LIN54: variants seen among roughly 807,000 people sequenced by gnomAD.
LIN54 encodes the protein lin-54 DREAM MuvB core complex component.
A neutral mutation model predicts 78.7 loss-of-function variants in LIN54; 9 were observed. The ratio of observed to expected loss-of-function variants is 0.11; its 90% confidence interval spans 0.07 to 0.20. The LOEUF is 0.20. Among genes scored for constraint, LIN54 ranks in the 10% least tolerant of loss-of-function variants. LIN54 has a pLI of 1.00. For missense variants in LIN54, 573 were observed against 889.9 expected (o/e 0.64, Z 4.53); for synonymous variants, 269 against 318.4 (o/e 0.84, Z 1.65).
At chr4:82,988,794 A>C (rs956699153) in intron 1 of LIN54, among the ~76,000 whole-genome samples, 6 of 152,128 alleles carry the variant, frequency 3.9e-5, no homozygotes, top group African/African-American at 1.4e-4. Flanking sequence ...TTAATTTGCA[A>C]TTCCCAGATG....
intron 5 of LIN54, among the ~76,000 whole-genome samples, chr4:82,940,974 G>A (rs562654759): frequency 1.4e-3 from 214 of 152,094 alleles, no homozygotes; most frequent in Non-Finnish European, 2.5e-3. Context: ...TGCCATCATC[G>A]TTGTTACAAC....
chr4:82,981,877 T>C (rs1412409824), intron 2 of LIN54, among the ~76,000 whole-genome samples: 2 of 151,752 alleles, frequency 1.3e-5, no homozygotes, highest in South Asian at 2.1e-4. Context: ...ACAAAAAAAA[T>C]ACAAAAATTG....
intron 4 of LIN54, among the ~76,000 whole-genome samples, chr4:82,967,953 T>C (rs776211282): frequency 6.3e-4 from 96 of 152,170 alleles, no homozygotes; most frequent in African/African-American, 1.5e-3. Flanking sequence ...ACCTGAACGA[T>C]AGATAAGCTT....
At chr4:82,954,491 C>T (rs28610150) in intron 4 of LIN54, among the ~76,000 whole-genome samples, 1 of 151,594 alleles carries the variant, frequency 6.6e-6, no homozygotes, top group African/African-American at 2.4e-5. Flanking sequence ...GATCTTGGCT[C>T]ACTGCAACCT....
chr4:83,003,473 CT>C (rs1729037525), intron 1 of LIN54: 1 of 152,138 alleles, frequency 6.6e-6, no homozygotes, highest in Admixed American at 6.6e-5. Context: ...GGTATGGCCC[CT>C]GCACAAGGAC....
intron 1 of LIN54, among the ~76,000 whole-genome samples, chr4:82,989,030 TA>T (rs1329979592): frequency 6.6e-6 from 1 of 151,806 alleles, no homozygotes; most frequent in African/African-American, 2.4e-5. Context: ...CTATTAAAAA[TA>T]CAAAAAATTA....
intron 2 of LIN54, among the ~76,000 whole-genome samples, chr4:82,982,390 G>A (rs1340921834): frequency 6.6e-6 from 1 of 152,014 alleles, no homozygotes; most frequent in East Asian, 1.9e-4. Context: ...CACCATGCTG[G>A]GCTAATTTTT....
At chr4:82,956,759 G>C (rs779272315) in intron 4 of LIN54, among the ~76,000 whole-genome samples, 2 of 115,864 alleles carry the variant, frequency 1.7e-5, no homozygotes, top group African/African-American at 2.5e-5. Flanking sequence ...TTTTTCTTTG[G>C]GGTGGAGGGG....
At position 82,926,162 on chromosome 4, in the gene LIN54, A is replaced by G. The variant is rs1453609093; in HGVS notation, c.*1940T>C. On this transcript the variant is annotated 3_prime_UTR_variant, in exon 13 of 13. Coordinates refer to ENST00000340417, the MANE Select transcript of LIN54 (RefSeq NM_194282.4). ...CATTTTCTGCACACTGTATATAAAT[A>G]CACATCACAAAGGTGCAATTAGAAT... 1.3e-5 allele frequency: 2 copies of G among 152,638 alleles called. No homozygotes were observed. Among genetic ancestry groups the G allele is most frequent in the African/African-American group, 4.8e-5 (2 of 41,462 alleles). The allele number at this position is 152,638 out of a possible 1,614,324, so 9.5% of individuals were successfully genotyped here.
At position 82,939,903 on chromosome 4, in the gene LIN54, G is replaced by T. The variant is rs1722708826; in HGVS notation, c.1228C>A (p.Gln410Lys). The T allele has an allele frequency of 1.3e-5, 21 of 1,612,280 alleles. No homozygotes were observed. The highest frequency in any genetic ancestry group is 1.7e-5 in the Non-Finnish European group (20 of 1,179,370). Residue 410 changes from glutamine (Q) to lysine (K), a missense_variant, in exon 6 of 13, where the codon CAG becomes AAG. Around this residue, in one of 6 missense-constraint regions of LIN54, gnomAD observed 199 missense variants for 260.9 expected, o/e 0.76. Coordinates refer to ENST00000340417, the MANE Select transcript of LIN54 (RefSeq NM_194282.4). ...GTGATACTTACTTGTTTGACAGCCT[G>T]AGCTGAGACAATTGGAACTGACATC... is the stretch of plus-strand genomic sequence containing the variant. ...VRMSVPIVSA[Q>K]AVKQVVPKPI...
intron 12 of LIN54, among the ~76,000 whole-genome samples, chr4:82,929,596 G>C (rs1012920206): frequency 1.1e-4 from 17 of 152,096 alleles, no homozygotes; most frequent in African/African-American, 4.1e-4. Context: ...CCTGAGGTCA[G>C]GCGTTCAAGA....
At chr4:82,944,675 C>T (rs368621988) in intron 5 of LIN54, 1 of 152,116 alleles carries the variant, frequency 6.6e-6, no homozygotes, top group East Asian at 1.9e-4. Flanking sequence ...TAGGTTCCCT[C>T]AGGTGAACCA....
rs971771468 is a variant in LIN54, at chr4:82,956,274, G to A, written c.952-9800C>T. 4.6e-5 allele frequency among the ~76,000 whole-genome samples: 7 copies of A among 151,596 alleles called. No homozygotes were observed. The South Asian group carries it at 1.5e-3, about 32-fold the overall frequency. On this transcript the variant is annotated intron_variant, in intron 4 of 12. Transcript: ENST00000340417. ...CCTATATTTTAAATTTCTATAGTAA[G>A]AGTGTTTTTTATTTTTTATTTTTTG...
rs1339545376 is a variant in LIN54, at chr4:82,947,223, A to ATTTTT, written c.952-750_952-749insAAAAA. Among the ~76,000 whole-genome samples, 32 of 17,508 alleles carry ATTTTT rather than the reference A, an allele frequency of 1.8e-3. 1 individual carries two copies. Among genetic ancestry groups the ATTTTT allele is most frequent in the African/African-American group, 5.6e-3 (32 of 5,704 alleles). 11.5% of individuals were successfully genotyped at this position (17,508 alleles called of 152,430 possible). ...AAAAAAAATTTATATATATATATAT[A>ATTTTT]TATATATATATATTTTTTTTTTTTT... On this transcript the variant is annotated intron_variant, in intron 4 of 12. Coordinates refer to ENST00000340417, the MANE Select transcript of LIN54 (RefSeq NM_194282.4).
At chr4:82,950,267 G>A (rs1002549906) in intron 4 of LIN54, among the ~76,000 whole-genome samples, 7 of 152,088 alleles carry the variant, frequency 4.6e-5, no homozygotes, top group Non-Finnish European at 4.4e-5. Flanking sequence ...CCACCATGAA[G>A]ATATATAAAA....
chr4:83,001,973 AGGAAGGGAG>A (rs1560796791), intron 1 of LIN54, among the ~76,000 whole-genome samples: 438 of 24,456 alleles, frequency 0.018, 170 homozygotes, highest in African/African-American at 0.032. Flanking sequence ...GAAGGAAGGA[AGGAAGGGAG>A]GGATCTTGGA....
chr4:82,936,381 C>T lies in LIN54; in HGVS notation c.1605G>A (p.Leu535=), dbSNP rs1560719645. Residue 535 remains leucine (L), a splice_region_variant and synonymous_variant, in exon 10 of 13, where the codon TTG becomes TTA. Transcript: ENST00000340417. The part of the protein sequence containing the change: ...CNCTKSLCLK[L]YCDCFANGEF... Reference sequence around the variant, plus strand: ...CACCATTTGCAAAGCAATCACAATACCTGAAAGGTAAAAGTCAGTATAAGG... The same window carrying T: ...CACCATTTGCAAAGCAATCACAATATCTGAAAGGTAAAAGTCAGTATAAGG... 3 of 1,525,492 alleles carry T rather than the reference C, an allele frequency of 2.0e-6. No individual in the cohort carries two copies. Among genetic ancestry groups the T allele is most frequent in the Admixed American group, 1.9e-5 (1 of 51,318 alleles). 94.5% of individuals were successfully genotyped at this position (1,525,492 alleles called of 1,614,324 possible). A position where few individuals can be genotyped will look rare whatever the true frequency, so the allele number is the denominator to read the frequency against.
chr4:82,955,369 AATAACATAACATAAC>A (rs537329208), intron 4 of LIN54, among the ~76,000 whole-genome samples: 31 of 138,404 alleles, frequency 2.2e-4, no homozygotes, highest in South Asian at 7.2e-4. Context: ...ATCTCAAAAA[AATAACATAACATAAC>A]ATAACATAAC....
chr4:82,983,082 A>ACTG (rs1337158414), intron 2 of LIN54, among the ~76,000 whole-genome samples: 1 of 146,096 alleles, frequency 6.8e-6, no homozygotes, highest in East Asian at 2.0e-4. Flanking sequence ...ATCTCGGCTC[A>ACTG]CTGCAACCTC....
Sources: gnomAD v4.1 joint callset for allele counts (sites outside exome capture counted in the v4.1 genomes callset) on GRCh38, gnomAD v4.1.1 for gene constraint, gnomAD v4.1.1 regional missense constraint, MANE v1.5 for transcripts, NCBI Gene and HGNC (gene_info 2026-07-23, HGNC 2026-07-21) for gene names.